The following PHF21B variants were observed in gnomAD, a reference collection of about 807,000 sequenced individuals.
PHF21B encodes PHD finger protein 4.
Under a neutral mutation model 62.2 loss-of-function variants are expected in PHF21B, and 22 were observed. That is an observed-to-expected ratio of 0.35 (90% CI 0.25 to 0.51). PHF21B has a LOEUF of 0.51. Among genes scored for constraint, PHF21B ranks in the 20% least tolerant of loss-of-function variants. The pLI, the probability that PHF21B is intolerant of heterozygous loss-of-function variation, is 0.97. For synonymous variants in PHF21B, 341 were observed against 314.7 expected (o/e 1.08, Z -0.88); for missense variants, 701 against 707.9 (o/e 0.99, Z 0.11).
chr22:44,945,454 G>A (rs1377981637), intron 2 of PHF21B, among the ~76,000 whole-genome samples: 2 of 152,212 alleles, frequency 1.3e-5, no homozygotes, highest in Non-Finnish European at 2.9e-5. Flanking sequence ...AGTACATGGG[G>A]TTTTGTGCTT....
intron 2 of PHF21B, among the ~76,000 whole-genome samples, chr22:44,962,969 C>T (rs576352987): frequency 6.6e-6 from 1 of 152,338 alleles, no homozygotes; most frequent in East Asian, 1.9e-4. Flanking sequence ...TCTACCTTTG[C>T]ATTACTTCAT....
At chr22:44,906,566 T>C (rs1272925626) in intron 5 of PHF21B, among the ~76,000 whole-genome samples, 1 of 152,208 alleles carries the variant, frequency 6.6e-6, no homozygotes, top group African/African-American at 2.4e-5. Context: ...GCCAGGACAA[T>C]GGCTGGCCCC....
chr22:45,006,542 A>G (rs1262109534), intron 2 of PHF21B, among the ~76,000 whole-genome samples: 1 of 152,200 alleles, frequency 6.6e-6, no homozygotes, highest in Non-Finnish European at 1.5e-5. Context: ...AAATTCCGGC[A>G]TGACAGATAA....
chr22:44,913,773 C>T (rs3213527), intron 5 of PHF21B, 49 bp downstream of exon 5: 1,123,573 of 1,565,652 alleles, frequency 0.72, 408,528 homozygotes, highest in East Asian at 0.89. Context: ...CCTCAGATGG[C>T]ACCTGCAGAC....
intron 10 of PHF21B, among the ~76,000 whole-genome samples, chr22:44,886,264 G>A (rs895921646): frequency 2.0e-5 from 3 of 151,888 alleles, no homozygotes; most frequent in Non-Finnish European, 2.9e-5. Context: ...CCCCAGGCAC[G>A]CCAGGGACAA....
chr22:44,932,432 C>G (rs994070848), intron 2 of PHF21B, among the ~76,000 whole-genome samples: 1 of 152,178 alleles, frequency 6.6e-6, no homozygotes, highest in African/African-American at 2.4e-5. Context: ...TCTGGAGTGG[C>G]CGCCACCACC....
intron 2 of PHF21B, among the ~76,000 whole-genome samples, chr22:44,956,181 G>A (rs1203060852): frequency 6.6e-6 from 1 of 152,206 alleles, no homozygotes; most frequent in Non-Finnish European, 1.5e-5. Flanking sequence ...TGGACTCAAT[G>A]GGTTGGAGAT....
intron 2 of PHF21B, chr22:45,003,275 C>A (rs951978586): frequency 2.9e-4 from 44 of 152,464 alleles, no homozygotes; most frequent in African/African-American, 1.0e-3. Context: ...GAGGGGAGCT[C>A]AGCAGGCACC....
At chr22:44,926,411 G>A (rs978142281) in intron 2 of PHF21B, among the ~76,000 whole-genome samples, 3 of 152,246 alleles carry the variant, frequency 2.0e-5, no homozygotes, top group Non-Finnish European at 2.9e-5. Context: ...GAACAGGCAC[G>A]AACCTGTTTT....
intron 2 of PHF21B, among the ~76,000 whole-genome samples, chr22:44,923,350 AC>A (rs1463296388): frequency 6.6e-6 from 1 of 151,438 alleles, no homozygotes; most frequent in Non-Finnish European, 1.5e-5. Flanking sequence ...AAAAAAAAGA[AC>A]AAATGGATCA....
At chr22:44,894,876 C>T (rs1459303615) in intron 6 of PHF21B, among the ~76,000 whole-genome samples, 2 of 152,204 alleles carry the variant, frequency 1.3e-5, no homozygotes, top group African/African-American at 4.8e-5. Context: ...GAAGGCTTGC[C>T]CTGCTCCCAC....
At chr22:44,979,862 A>G (rs2072805229) in intron 2 of PHF21B, among the ~76,000 whole-genome samples, 1 of 152,082 alleles carries the variant, frequency 6.6e-6, no homozygotes, top group Non-Finnish European at 1.5e-5. Context: ...TGAGGTCAGG[A>G]GTTCAAGACC....
intron 2 of PHF21B, among the ~76,000 whole-genome samples, chr22:44,977,752 ATT>A (rs112069200): frequency 0.17 from 23,141 of 134,974 alleles, 1,982 homozygotes; most frequent in Middle Eastern, 0.22. Flanking sequence ...CTCATTTTTC[ATT>A]TTTTTTTTTT....
At chr22:44,949,337 G>A (rs1442658381) in intron 2 of PHF21B, among the ~76,000 whole-genome samples, 1 of 150,958 alleles carries the variant, frequency 6.6e-6, no homozygotes, top group African/African-American at 2.4e-5. Context: ...AAAAAAGAGA[G>A]CTGAGGTAGG....
At chr22:44,943,842 G>A (rs918635133) in intron 2 of PHF21B, among the ~76,000 whole-genome samples, 2 of 152,140 alleles carry the variant, frequency 1.3e-5, no homozygotes, top group Non-Finnish European at 2.9e-5. Context: ...TGGGGCACCG[G>A]GAAAAGCCAC....
chr22:45,009,174 C>T lies in PHF21B; in HGVS notation c.54+322G>A, dbSNP rs976761080. 1.1e-4 allele frequency: 51 copies of T among 445,684 alleles called. No homozygotes were observed. Among genetic ancestry groups the T allele is most frequent in the Non-Finnish European group, 1.7e-4 (48 of 281,948 alleles). 27.6% of individuals were successfully genotyped at this position (445,684 alleles called of 1,614,324 possible). ...CCGGAAGGGGGCCTATTCGCACTCCCCTCCCCGGGACCGGCTCACGAAGGG... is the reference window on the plus strand; with the variant it reads ...CCGGAAGGGGGCCTATTCGCACTCCTCTCCCCGGGACCGGCTCACGAAGGG... On this transcript the variant is annotated intron_variant, in intron 1 of 12. Coordinates refer to ENST00000313237, the MANE Select transcript of PHF21B (RefSeq NM_138415.5). This position sits in a 1 kb window ranked among gnomAD's most constrained non-coding sequence, Gnocchi z 5.9.
chr22:44,968,832 A>C (rs2072582621), intron 2 of PHF21B, among the ~76,000 whole-genome samples: 1 of 152,152 alleles, frequency 6.6e-6, no homozygotes, highest in Non-Finnish European at 1.5e-5. Flanking sequence ...GTTTCAGAGC[A>C]GATTTTTTTG....
At chr22:45,005,760 A>G (rs2073303868) in intron 2 of PHF21B, among the ~76,000 whole-genome samples, 1 of 152,350 alleles carries the variant, frequency 6.6e-6, no homozygotes, top group Admixed American at 6.5e-5. Context: ...CCGATGTTCC[A>G]GCACAGAAAA....
intron 12 of PHF21B, 83 bp downstream of exon 12, chr22:44,885,343 T>C (rs931076729): frequency 1.7e-5 from 22 of 1,324,926 alleles, no homozygotes; most frequent in Admixed American, 4.4e-5. Flanking sequence ...CACCTGTGGT[T>C]CTAAGGACAC....
Sources: gnomAD v4.1 joint callset for allele counts (sites outside exome capture counted in the v4.1 genomes callset) on GRCh38, gnomAD v4.1.1 for gene constraint, Gnocchi (gnomAD v3.1) non-coding constraint, MANE v1.5 for transcripts, NCBI Gene and HGNC (gene_info 2026-07-23, HGNC 2026-07-21) for gene names.